Variants in MSRA observed in about 807,000 individuals in gnomAD.
MSRA encodes methionine sulfoxide reductase A.
A neutral mutation model predicts 31.3 loss-of-function variants in MSRA; 54 were observed. The ratio of observed to expected loss-of-function variants is 1.73; its 90% CI spans 1.39 to 2.17. The LOEUF is 2.17. Among genes scored for constraint, MSRA ranks in the 30% most tolerant of loss-of-function variants. MSRA has a pLI of 0.00. For missense variants in MSRA, 507 were observed against 300.9 expected, an observed-to-expected ratio of 1.69 and a Z score of -5.07; for synonymous variants, 169 against 116.5, an observed-to-expected ratio of 1.45 and a Z score of -2.90.
chr8:10,251,681 C>A (rs372325364), intron 3 of MSRA, among the ~76,000 whole-genome samples: 21 of 152,310 alleles, frequency 1.4e-4, no homozygotes, highest in African/African-American at 5.1e-4. Context: ...CAACCATCTT[C>A]CCCACACCCA....
In MSRA at chr8:10,089,550, C is replaced by T. The variant is rs141896941; in HGVS notation, c.142+34892C>T. ...ACATGGCTAGGAGGGGAAACCACAG[C>T]GGGTAGACGAGAGGTAGGTGTTTGT... On this transcript the variant is annotated intron_variant, in intron 1 of 5. Coordinates refer to ENST00000317173, the MANE Select transcript of MSRA (RefSeq NM_012331.5). Among the ~76,000 whole-genome samples, 248 of 152,236 alleles carry T rather than the reference C, an allele frequency of 1.6e-3. 1 individual carries two copies. The highest frequency in any genetic ancestry group is 5.8e-3 in the African/African-American group (241 of 41,560).
At chr8:10,072,557 C>T (rs1276323661) in intron 1 of MSRA, among the ~76,000 whole-genome samples, 1 of 152,144 alleles carries the variant, frequency 6.6e-6, no homozygotes, top group South Asian at 2.1e-4. Flanking sequence ...CCTTATTCTT[C>T]CCTTTCAAGA....
intron 1 of MSRA, among the ~76,000 whole-genome samples, chr8:10,142,300 G>A (rs996836570): frequency 1.3e-5 from 2 of 151,942 alleles, no homozygotes; most frequent in Non-Finnish European, 2.9e-5. Flanking sequence ...AACTTCTCTA[G>A]GCCAACGAGG....
Position 10,107,140 on chromosome 8 carries a change from C to T in MSRA, c.142+52482C>T, listed in dbSNP as rs1258141535. ...CAGTAAATGTGGCCAAGCGCAGTGA[C>T]TGTTAGGAGAGGAGAAAGGATCCTG... On this transcript the variant is annotated intron_variant, in intron 1 of 5. Transcript: ENST00000317173. Among the ~76,000 whole-genome samples, 4 of 152,132 alleles carry T rather than the reference C, an allele frequency of 2.6e-5. 1 individual carries two copies. The highest frequency in any genetic ancestry group is 4.8e-5 in the African/African-American group (2 of 41,418).
chr8:10,122,805 T>A (rs982449530), intron 1 of MSRA, among the ~76,000 whole-genome samples: 2 of 152,142 alleles, frequency 1.3e-5, no homozygotes, highest in Non-Finnish European at 2.9e-5. Flanking sequence ...CCTGTTCCTG[T>A]GTTAGTTTGC....
At chr8:10,209,182 G>A (rs1157311869) in intron 2 of MSRA, among the ~76,000 whole-genome samples, 1 of 152,200 alleles carries the variant, frequency 6.6e-6, no homozygotes, top group Non-Finnish European at 1.5e-5. Context: ...GTGCTAAAAC[G>A]TTTGATTTGC....
chr8:10,250,795 G>A (rs4336616), intron 3 of MSRA: 166,591 of 286,740 alleles, frequency 0.58, 49,944 homozygotes, highest in Non-Finnish European at 0.64. Flanking sequence ...TGTAAAATGG[G>A]GCAATGCTGC....
intron 1 of MSRA, among the ~76,000 whole-genome samples, chr8:10,189,265 T>A (rs903630554): frequency 2.0e-5 from 3 of 152,192 alleles, no homozygotes; most frequent in African/African-American, 7.2e-5. Flanking sequence ...TTCCTTAGGA[T>A]TTTTTACTTA....
chr8:10,428,379 G>C lies in MSRA; in HGVS notation c.*67G>C, dbSNP rs1809332225. The C allele has an allele frequency of 2.6e-6, 4 of 1,519,552 alleles. No individual in the cohort carries two copies. Among genetic ancestry groups the C allele is most frequent in the Non-Finnish European group, 3.6e-6 (4 of 1,107,270 alleles). 94.1% of individuals were successfully genotyped at this position (1,519,552 alleles called of 1,614,324 possible). On this transcript the variant is annotated 3_prime_UTR_variant, in exon 6 of 6. Transcript: ENST00000317173. ...GCTTTCAACAAATTGGGCAATGCTT[G>C]TGTGATTCACAATCGTGGCATTTAA...
At chr8:10,320,092 T>G (rs1254328208) in intron 5 of MSRA, 103 bp downstream of exon 5, 1 of 673,638 alleles carries the variant, frequency 1.5e-6, no homozygotes. Context: ...GAATTGTGTT[T>G]TATTTGCACA....
chr8:10,256,091 T>A (rs984300387), intron 3 of MSRA, among the ~76,000 whole-genome samples: 2 of 152,132 alleles, frequency 1.3e-5, no homozygotes, highest in Non-Finnish European at 2.9e-5. Context: ...ACAGAGTAAT[T>A]TCACTGCCCT....
At chr8:10,405,130 C>G (rs189166622) in intron 5 of MSRA, among the ~76,000 whole-genome samples, 3 of 152,324 alleles carry the variant, frequency 2.0e-5, no homozygotes, top group East Asian at 3.9e-4. Flanking sequence ...GAAGCCTGTT[C>G]TCTTCACAAA....
At chr8:10,067,505 G>A (rs1797516789) in intron 1 of MSRA, among the ~76,000 whole-genome samples, 2 of 152,116 alleles carry the variant, frequency 1.3e-5, no homozygotes, top group Admixed American at 1.3e-4. Context: ...TTTTATTCAA[G>A]TTTTTGTGTG....
intron 2 of MSRA, among the ~76,000 whole-genome samples, chr8:10,208,788 G>A (rs1038496898): frequency 1.2e-4 from 18 of 152,336 alleles, no homozygotes; most frequent in African/African-American, 4.3e-4. Context: ...AAAAATGTGA[G>A]GTCCCCTGAT....
intron 1 of MSRA, among the ~76,000 whole-genome samples, chr8:10,164,276 A>G (rs1405057023): frequency 1.3e-5 from 2 of 152,200 alleles, no homozygotes; most frequent in African/African-American, 2.4e-5. Context: ...CTTGATTAAA[A>G]TGTTCCTGTT....
intron 5 of MSRA, among the ~76,000 whole-genome samples, chr8:10,371,262 AG>A (rs1805458693): frequency 6.6e-6 from 1 of 152,120 alleles, no homozygotes; most frequent in Admixed American, 6.5e-5. Context: ...CGGCCTCTAG[AG>A]ATGGTGCAGT....
intron 2 of MSRA, among the ~76,000 whole-genome samples, chr8:10,219,284 A>C (rs1420581041): frequency 6.6e-6 from 1 of 151,942 alleles, no homozygotes; most frequent in African/African-American, 2.4e-5. Flanking sequence ...AGCAGAAGAC[A>C]CTCCCCAGAG....
At chr8:10,210,568 T>A (rs1425595488) in intron 2 of MSRA, among the ~76,000 whole-genome samples, 1 of 152,202 alleles carries the variant, frequency 6.6e-6, no homozygotes, top group African/African-American at 2.4e-5. Flanking sequence ...ATCATGCTTT[T>A]CCATTTGACC....
intron 5 of MSRA, among the ~76,000 whole-genome samples, chr8:10,366,358 C>T (rs916253611): frequency 6.6e-6 from 1 of 152,186 alleles, no homozygotes; most frequent in African/African-American, 2.4e-5. Context: ...CGTGTGAGCT[C>T]GGAAGATGCG....
Sources: gnomAD v4.1 joint callset for allele counts (sites outside exome capture counted in the v4.1 genomes callset) on GRCh38, gnomAD v4.1.1 for gene constraint, MANE v1.5 for transcripts, NCBI Gene and HGNC (gene_info 2026-07-23, HGNC 2026-07-21) for gene names.